The following STAU2 variants were observed in gnomAD, a reference collection of about 807,000 sequenced individuals.
STAU2 encodes double-stranded RNA-binding protein Staufen homolog 2.
In STAU2, 20 loss-of-function variants were observed where a neutral mutation model predicts 65.9. The ratio of observed to expected loss-of-function variants is 0.30; its 90% confidence interval spans 0.21 to 0.44. The LOEUF is 0.44. Among genes scored for constraint, STAU2 ranks in the 20% least tolerant of loss-of-function variants. The pLI is 1.00. For missense variants in STAU2, 558 were observed against 683.9 expected, an observed-to-expected ratio of 0.82 and a Z score of 2.05; for synonymous variants, 232 against 233.9, an observed-to-expected ratio of 0.99 and a Z score of 0.07.
chr8:73,457,974 T>C lies in STAU2; in HGVS notation c.1531-35272A>G, dbSNP rs374498034. On this transcript the variant is annotated intron_variant, in intron 13 of 14. Transcript: ENST00000524300. ...GGAGGGCACTGAGGACTTAAGGCCA[T>C]AGCTACTTACCAATAGCAGATAATT... is the stretch of plus-strand genomic sequence containing the variant. Among the ~76,000 whole-genome samples the C allele has an allele frequency of 4.3e-4, 66 of 152,330 alleles. 1 individual carries two copies. The South Asian group carries it at 0.013, about 29-fold the overall frequency.
At position 73,487,863 on chromosome 8, in the gene STAU2, T is replaced by TA. The variant is rs564738980; in HGVS notation, c.1530+64148dup. Among the ~76,000 whole-genome samples, 278 of 152,158 alleles carry TA rather than the reference T, an allele frequency of 1.8e-3. 1 individual carries two copies. Among genetic ancestry groups the TA allele is most frequent in the Non-Finnish European group, 2.6e-3 (177 of 67,956 alleles). ...AATTTTTATTAGGTACAAACTATAA[T>TA]AAAAAAATTAGTATATCACAACCTA... is the stretch of plus-strand genomic sequence containing the variant. On this transcript the variant is annotated intron_variant, in intron 13 of 14. Coordinates refer to ENST00000524300, the MANE Select transcript of STAU2 (RefSeq NM_001164380.2).
At chr8:73,461,409 C>T (rs1167324080) in intron 13 of STAU2, among the ~76,000 whole-genome samples, 1 of 151,898 alleles carries the variant, frequency 6.6e-6, no homozygotes, top group African/African-American at 2.4e-5. Context: ...GAAGATGGGG[C>T]TCAGAGGAGT....
chr8:73,520,894 G>T (rs545980682), intron 13 of STAU2, among the ~76,000 whole-genome samples: 1 of 152,106 alleles, frequency 6.6e-6, no homozygotes, highest in Non-Finnish European at 1.5e-5. Context: ...AATGAGGTTC[G>T]TTATTATTTA....
intron 13 of STAU2, among the ~76,000 whole-genome samples, chr8:73,446,313 G>C (rs1818463816): frequency 1.3e-5 from 2 of 152,220 alleles, no homozygotes; most frequent in South Asian, 4.1e-4. Context: ...GGGGAGAATA[G>C]ACAGCACGAG....
At chr8:73,737,180 T>G (rs997752165) in intron 3 of STAU2, among the ~76,000 whole-genome samples, 1 of 144,122 alleles carries the variant, frequency 6.9e-6, no homozygotes, top group African/African-American at 2.6e-5. Context: ...ATTACTTTTG[T>G]TTTTTTTTTG....
At chr8:73,670,524 A>AC (rs1817600094) in intron 6 of STAU2, 1 of 152,148 alleles carries the variant, frequency 6.6e-6, no homozygotes. Flanking sequence ...CCTTCCTAGC[A>AC]TAGAGAAAGC....
intron 4 of STAU2, among the ~76,000 whole-genome samples, chr8:73,703,277 C>A (rs1820252551): frequency 6.6e-6 from 1 of 151,800 alleles, no homozygotes; most frequent in Admixed American, 6.6e-5. Context: ...TGTGTGGGAC[C>A]CCCCCAATCC....
intron 13 of STAU2, among the ~76,000 whole-genome samples, chr8:73,427,548 T>C (rs1298208689): frequency 2.0e-5 from 3 of 152,248 alleles, no homozygotes; most frequent in African/African-American, 7.2e-5. Context: ...GGAATTTGAC[T>C]CTCAGGGAGC....
chr8:73,610,284 A>C (rs1191630348), intron 9 of STAU2, among the ~76,000 whole-genome samples: 1 of 151,586 alleles, frequency 6.6e-6, no homozygotes, highest in Non-Finnish European at 1.5e-5. Flanking sequence ...AAAAAAAAAA[A>C]AAACAACTCT....
chr8:73,437,433 T>C (rs761090453), intron 13 of STAU2, among the ~76,000 whole-genome samples: 1 of 152,074 alleles, frequency 6.6e-6, no homozygotes, highest in African/African-American at 2.4e-5. Flanking sequence ...AACCCAGGAA[T>C]GCAGTGGCCA....
chr8:73,454,276 C>T (rs775565139), intron 13 of STAU2, among the ~76,000 whole-genome samples: 3 of 152,186 alleles, frequency 2.0e-5, no homozygotes, highest in Admixed American at 6.5e-5. Flanking sequence ...TACACAGTAG[C>T]TGTGATATGA....
intron 3 of STAU2, among the ~76,000 whole-genome samples, chr8:73,735,146 G>A (rs1374102324): frequency 2.0e-5 from 3 of 152,080 alleles, no homozygotes; most frequent in Admixed American, 2.0e-4. Flanking sequence ...GCCCAAGCTG[G>A]TCTCAAAATC....
intron 12 of STAU2, among the ~76,000 whole-genome samples, chr8:73,575,057 C>T (rs987547262): frequency 2.7e-5 from 4 of 148,714 alleles, no homozygotes; most frequent in Admixed American, 1.3e-4. Flanking sequence ...AAAGAAAAAC[C>T]AAACTTTAAA....
At chr8:73,476,927 C>T (rs963776945) in intron 13 of STAU2, among the ~76,000 whole-genome samples, 1 of 152,162 alleles carries the variant, frequency 6.6e-6, no homozygotes, top group African/African-American at 2.4e-5. Flanking sequence ...TGCATATATA[C>T]CATCCCAGTT....
In STAU2 at chr8:73,527,581, T is replaced by C. The variant is rs972404607; in HGVS notation, c.1530+24431A>G. On this transcript the variant is annotated intron_variant, in intron 13 of 14. Coordinates refer to ENST00000524300, the MANE Select transcript of STAU2 (RefSeq NM_001164380.2). ...AAGTCTAGCAGATGGTGCTAGCAGATAATGTATTAAGGAAAGCAAAGCTGC... is the reference window on the plus strand; with the variant it reads ...AAGTCTAGCAGATGGTGCTAGCAGACAATGTATTAAGGAAAGCAAAGCTGC... 4 of 675,130 alleles carry C rather than the reference T, an allele frequency of 5.9e-6. No individual in the cohort carries two copies. The African/African-American group carries it at 7.1e-5, about 12-fold the overall frequency. 41.8% of individuals were successfully genotyped at this position (675,130 alleles called of 1,614,324 possible). A position where few individuals can be genotyped will look rare whatever the true frequency, so the allele number is the denominator to read the frequency against.
intron 6 of STAU2, among the ~76,000 whole-genome samples, chr8:73,633,242 T>C (rs1221297615): frequency 1.3e-5 from 2 of 152,206 alleles, no homozygotes; most frequent in African/African-American, 4.8e-5. Context: ...TCATTTCCAT[T>C]TTACAGTTGA....
At chr8:73,464,603 C>CAT (rs10630487) in intron 13 of STAU2, among the ~76,000 whole-genome samples, 18,014 of 104,550 alleles carry the variant, frequency 0.17, 2,309 homozygotes, top group African/African-American at 0.38. Context: ...TGCACGCGCA[C>CAT]ACACACACAC....
chr8:73,457,377 G>T (rs988536374), intron 13 of STAU2, among the ~76,000 whole-genome samples: 1 of 152,172 alleles, frequency 6.6e-6, no homozygotes, highest in African/African-American at 2.4e-5. Flanking sequence ...GGCCAACAAG[G>T]CTGCCCCCAG....
intron 13 of STAU2, among the ~76,000 whole-genome samples, chr8:73,459,965 G>A (rs1333658297): frequency 6.6e-6 from 1 of 152,188 alleles, no homozygotes; most frequent in African/African-American, 2.4e-5. Flanking sequence ...GAGATCAGAG[G>A]AATGCTGCAG....
Sources: allele counts gnomAD v4.1 joint callset (sites outside exome capture counted in the v4.1 genomes callset), GRCh38; gene constraint gnomAD v4.1.1; transcripts MANE v1.5; gene names NCBI Gene and HGNC (gene_info 2026-07-23, HGNC 2026-07-21).